TSPAN7: variants seen among roughly 807,000 people sequenced by gnomAD.
TSPAN7 encodes the protein tetraspanin 7.
Under a neutral mutation model 17.6 loss-of-function variants are expected in TSPAN7, and 1 was observed. The observed-to-expected ratio is 0.06, with a 90% CI of 0.02 to 0.27. The LOEUF is 0.27. Ranked by LOEUF, TSPAN7 falls within the 10% of genes least tolerant of loss-of-function variation. TSPAN7 has a pLI of 1.00. For synonymous variants in TSPAN7, 78 were observed against 79.0 expected, an observed-to-expected ratio of 0.99 and a Z score of 0.07; for missense variants, 112 against 201.7, an observed-to-expected ratio of 0.56 and a Z score of 2.69.
chrX:38,583,591 A>G (rs1292459264), intron 1 of TSPAN7, among the ~76,000 whole-genome samples: 3 of 112,314 alleles, frequency 2.7e-5, no homozygotes, highest in East Asian at 5.6e-4. Context: ...TCAAGCATTG[A>G]TAAGTGTTCC....
intron 1 of TSPAN7, among the ~76,000 whole-genome samples, chrX:38,589,691 A>G (rs1602090263): frequency 9.0e-6 from 1 of 111,686 alleles, no homozygotes; most frequent in African/African-American, 3.3e-5. Context: ...AAATATTTGT[A>G]TTTTATGAAT....
intron 1 of TSPAN7, among the ~76,000 whole-genome samples, chrX:38,622,423 C>G (rs748582629): frequency 1.1e-3 from 128 of 111,969 alleles, no homozygotes; most frequent in Non-Finnish European, 2.1e-3. Context: ...TGGCATGTGC[C>G]TGCAATCTCA....
intron 1 of TSPAN7, among the ~76,000 whole-genome samples, chrX:38,610,130 A>G (rs2223151): frequency 0.3 from 33,447 of 111,144 alleles, 6,979 homozygotes; most frequent in African/African-American, 0.76. Flanking sequence ...CATTACTAAG[A>G]CATGTTCTGT....
intron 1 of TSPAN7, among the ~76,000 whole-genome samples, chrX:38,648,423 A>G (rs1357612013): frequency 1.8e-5 from 2 of 111,599 alleles, no homozygotes; most frequent in Non-Finnish European, 3.8e-5. Flanking sequence ...TAGGATTTCT[A>G]TTGCTGTAGC....
chrX:38,567,768 C>T (rs1262664115), intron 1 of TSPAN7, among the ~76,000 whole-genome samples: 11 of 111,834 alleles, frequency 9.8e-5, no homozygotes, highest in Non-Finnish European at 1.9e-5. Context: ...ACTGTCTTCC[C>T]ACTATGGAAG....
At chrX:38,568,942 T>A (rs1198215980) in intron 1 of TSPAN7, among the ~76,000 whole-genome samples, 1 of 111,664 alleles carries the variant, frequency 9.0e-6, no homozygotes, top group Non-Finnish European at 1.9e-5. Context: ...GTTCTTTTTT[T>A]CTAGCATCCT....
intron 1 of TSPAN7, among the ~76,000 whole-genome samples, chrX:38,641,334 C>T (rs1324771187): frequency 8.9e-6 from 1 of 112,056 alleles, no homozygotes; most frequent in African/African-American, 3.2e-5. Flanking sequence ...AATGCAAGTT[C>T]CCTTGGGAAG....
chrX:38,672,168 T>C (rs768634228), intron 3 of TSPAN7, among the ~76,000 whole-genome samples: 24 of 111,174 alleles, frequency 2.2e-4, no homozygotes, highest in Non-Finnish European at 4.2e-4. Context: ...AATTTTATCA[T>C]TGACTCTCCA....
At chrX:38,629,660 G>C (rs1230489501) in intron 1 of TSPAN7, among the ~76,000 whole-genome samples, 1 of 111,460 alleles carries the variant, frequency 9.0e-6, no homozygotes, top group Non-Finnish European at 1.9e-5. Flanking sequence ...ACTACAGCTT[G>C]TTCCACCTTA....
chrX:38,574,864 T>G (rs1418291159), intron 1 of TSPAN7, among the ~76,000 whole-genome samples: 1 of 110,172 alleles, frequency 9.1e-6, no homozygotes, highest in Non-Finnish European at 1.9e-5. Flanking sequence ...CTGATATTCA[T>G]GCCCTTGTTT....
At chrX:38,628,611 T>C (rs1408045940) in intron 1 of TSPAN7, among the ~76,000 whole-genome samples, 1 of 111,803 alleles carries the variant, frequency 8.9e-6, no homozygotes, top group Admixed American at 9.5e-5. Flanking sequence ...AGGTCAATAT[T>C]GGAGTTGAAT....
At chrX:38,565,920 C>T (rs1221902132) in intron 1 of TSPAN7, among the ~76,000 whole-genome samples, 2 of 111,281 alleles carry the variant, frequency 1.8e-5, no homozygotes, top group African/African-American at 3.3e-5. Flanking sequence ...ACTGGCCTTT[C>T]GTGGGTAGAG....
intron 1 of TSPAN7, among the ~76,000 whole-genome samples, chrX:38,585,622 T>C (rs1032985638): frequency 4.5e-5 from 5 of 111,715 alleles, no homozygotes; most frequent in Non-Finnish European, 9.4e-5. Context: ...GTGATATAGT[T>C]TGGAGATTTT....
intron 1 of TSPAN7, among the ~76,000 whole-genome samples, chrX:38,649,426 A>G (rs1434856796): frequency 8.9e-6 from 1 of 112,555 alleles, no homozygotes; most frequent in Non-Finnish European, 1.9e-5. Context: ...CAACAAGCCA[A>G]TTCCTTCAAG....
chrX:38,583,794 T>C (rs753415754), intron 1 of TSPAN7, among the ~76,000 whole-genome samples: 8 of 111,011 alleles, frequency 7.2e-5, no homozygotes, highest in Non-Finnish European at 1.5e-4. Context: ...TTCTAGTTAT[T>C]GATATCTGCT....
rs754171499 is a variant in TSPAN7, at chrX:38,677,542, T to G, written c.597+1682T>G. Among the ~76,000 whole-genome samples, 18 of 111,830 alleles carry G rather than the reference T, an allele frequency of 1.6e-4. No homozygotes were observed. The South Asian group carries it at 4.9e-3, about 30-fold the overall frequency. The stretch of plus-strand genomic sequence containing the variant: ...CCAGAAAGAGAGATGGGGTCACATT[T>G]TTTCATTTCATTGATAAACCTACAC... On this transcript the variant is annotated intron_variant, in intron 5 of 7. Transcript: ENST00000378482.
In TSPAN7 at chrX:38,659,829, T is replaced by C. The variant is rs770855977; in HGVS notation, c.82-6292T>C. 9.1e-4 allele frequency among the ~76,000 whole-genome samples: 82 copies of C among 90,565 alleles called. 1 individual carries two copies. The highest frequency in any genetic ancestry group is 1.5e-3 in the Non-Finnish European group (67 of 45,807). The allele number at this position is 90,565 out of a possible 115,157, so 78.6% of individuals were successfully genotyped here. A position where few individuals can be genotyped will look rare whatever the true frequency, so the allele number is the denominator to read the frequency against. ...TTTTTTTCTTTTTCTTTTTCTTTTT[T>C]TTTTTTTTTTTTTTTGAGACAGAGT... is the stretch of plus-strand genomic sequence containing the variant. On this transcript the variant is annotated intron_variant, in intron 1 of 7. Transcript: ENST00000378482.
chrX:38,589,240 A>G (rs1430388000), intron 1 of TSPAN7, among the ~76,000 whole-genome samples: 1 of 111,940 alleles, frequency 8.9e-6, no homozygotes, highest in Admixed American at 9.5e-5. Flanking sequence ...TTGCTGTACC[A>G]GATTTGTGTC....
chrX:38,593,023 T>C (rs1424159294), intron 1 of TSPAN7, among the ~76,000 whole-genome samples: 1 of 110,945 alleles, frequency 9.0e-6, no homozygotes, highest in Non-Finnish European at 1.9e-5. Context: ...AAGATATTTT[T>C]GCTAGTATAG....
Sources: allele counts gnomAD v4.1 joint callset (sites outside exome capture counted in the v4.1 genomes callset), GRCh38; gene constraint gnomAD v4.1.1; transcripts MANE v1.5; gene names NCBI Gene and HGNC (gene_info 2026-07-23, HGNC 2026-07-21).